The following SLC30A5 variants were observed in gnomAD, a reference collection of about 807,000 sequenced individuals.
SLC30A5 encodes the protein proton-coupled zinc antiporter SLC30A5.
In SLC30A5, 33 loss-of-function variants were observed where a neutral mutation model predicts 79.6. The observed-to-expected ratio is 0.41, with a 90% confidence interval of 0.31 to 0.55. The LOEUF is 0.55. SLC30A5 is among the 20% of genes least tolerant of loss of function. SLC30A5 has a pLI of 0.20. For synonymous variants in SLC30A5, 299 were observed against 319.7 expected, an observed-to-expected ratio of 0.94 and a Z score of 0.69; for missense variants, 788 against 928.1, an observed-to-expected ratio of 0.85 and a Z score of 1.96.
intron 3 of SLC30A5, chr5:69,103,812 T>A (rs1746001351): frequency 1.7e-6 from 1 of 595,144 alleles, no homozygotes; most frequent in African/African-American, 1.9e-5. Context: ...CCATAGTACA[T>A]GTTTGCTTTA....
chr5:69,098,880 A>C (rs1745824178), intron 1 of SLC30A5, among the ~76,000 whole-genome samples: 1 of 152,272 alleles, frequency 6.6e-6, no homozygotes, highest in Non-Finnish European at 1.5e-5. Context: ...GACTTAAACC[A>C]AAATAAACCT....
intron 1 of SLC30A5, among the ~76,000 whole-genome samples, chr5:69,099,768 C>A (rs1225661992): frequency 6.6e-6 from 1 of 152,202 alleles, no homozygotes; most frequent in Non-Finnish European, 1.5e-5. Flanking sequence ...CATTTCATAA[C>A]AGAATTTAGT....
intron 1 of SLC30A5, among the ~76,000 whole-genome samples, chr5:69,098,046 C>T (rs1745797081): frequency 6.6e-6 from 1 of 151,922 alleles, no homozygotes; most frequent in South Asian, 2.1e-4. Context: ...CGGGGTCTCG[C>T]TGTATTGCCC....
intron 14 of SLC30A5, 73 bp downstream of exon 14, chr5:69,123,498 C>G: frequency 8.8e-7 from 1 of 1,130,832 alleles, no homozygotes; most frequent in Non-Finnish European, 1.3e-6. Flanking sequence ...GGAAGTAAAA[C>G]AGACAACCAA....
intron 14 of SLC30A5, among the ~76,000 whole-genome samples, chr5:69,125,515 C>T (rs79928667): frequency 2.1e-5 from 3 of 145,496 alleles, no homozygotes; most frequent in East Asian, 4.2e-4. Flanking sequence ...GGCAACAGAG[C>T]GAGACTCTGT....
Position 69,117,407 on chromosome 5 carries a change from T to C in SLC30A5, c.1439+11T>C, listed in dbSNP as rs1746401226. 1 of 1,613,238 alleles carries C rather than the reference T, an allele frequency of 6.2e-7. No homozygotes were observed. The highest frequency in any genetic ancestry group is 8.5e-7 in the Non-Finnish European group (1 of 1,179,374). ...GATTTTCTCCTATGGGTAGGTACAT[T>C]GACTGTCGAGGTGGTATATCTTAAG... On this transcript the variant is annotated intron_variant, in intron 11 of 15. Transcript: ENST00000396591.
At chr5:69,118,424 T>G in intron 11 of SLC30A5, 75 bp from the exon 12 acceptor site, 1 of 1,316,120 alleles carries the variant, frequency 7.6e-7, no homozygotes, top group Non-Finnish European at 1.0e-6. Flanking sequence ...TTTGGACTTG[T>G]TTCCTCATTT....
At chr5:69,128,297 GC>G (rs1461243295) in intron 15 of SLC30A5, among the ~76,000 whole-genome samples, 165 bp downstream of exon 15, 1 of 141,374 alleles carries the variant, frequency 7.1e-6, no homozygotes, top group Non-Finnish European at 1.5e-5. Context: ...TGTTGCCCAG[GC>G]TGGAGTGCAG....
At chr5:69,128,225 A>C in intron 15 of SLC30A5, 93 bp downstream of exon 15, 2 of 723,424 alleles carry the variant, frequency 2.8e-6, no homozygotes, top group South Asian at 1.9e-5. Flanking sequence ...GTCATTTACT[A>C]TTCAGAAATA....
chr5:69,130,772 A>G lies in SLC30A5; in HGVS notation c.*1155A>G, dbSNP rs1283540691. 6.6e-6 allele frequency: 1 copy of G among 152,156 alleles called. No individual in the cohort carries two copies. Among genetic ancestry groups the G allele is most frequent in the East Asian group, 1.9e-4 (1 of 5,202 alleles). 9.4% of individuals were successfully genotyped at this position (152,156 alleles called of 1,614,324 possible). ...GACAATAACATGCAGTTTTATCAGC[A>G]CCAAAGAATGTTGTCCAAAAGAAAC... On this transcript the variant is annotated 3_prime_UTR_variant, in exon 16 of 16. Coordinates refer to ENST00000396591, the MANE Select transcript of SLC30A5 (RefSeq NM_022902.5).
intron 2 of SLC30A5, 110 bp downstream of exon 2, chr5:69,101,039 G>A (rs1416548476): frequency 9.2e-7 from 1 of 1,091,184 alleles, no homozygotes; most frequent in Non-Finnish European, 1.3e-6. Context: ...TGTTCCTCCT[G>A]ACAAGTATTT....
chr5:69,113,579 T>A (rs933527852), intron 6 of SLC30A5, among the ~76,000 whole-genome samples: 2 of 152,136 alleles, frequency 1.3e-5, no homozygotes, highest in African/African-American at 4.8e-5. Flanking sequence ...TGAAAAACCT[T>A]TAGTATCTTC....
At chr5:69,098,973 A>G (rs1745826773) in intron 1 of SLC30A5, among the ~76,000 whole-genome samples, 1 of 152,208 alleles carries the variant, frequency 6.6e-6, no homozygotes, top group African/African-American at 2.4e-5. Flanking sequence ...TTTGTTGCAG[A>G]TTATAACTAG....
chr5:69,121,889 A>C lies in SLC30A5; in HGVS notation c.1765A>C (p.Met589Leu), dbSNP rs751702558. 8 of 1,612,566 alleles carry C rather than the reference A, an allele frequency of 5.0e-6. No individual in the cohort carries two copies. In the African/African-American group the frequency reaches 1.1e-4, roughly 22 times the overall value. ...GSAGGGMNAN[M>L]RGVFLHVLAD... The stretch of plus-strand genomic sequence containing the variant: ...TGCGGGTGGAGGCATGAATGCTAAC[A>C]TGAGGGGTGAGTCCTTGCAAAATAT... The change falls in exon 13 of 16, where the codon ATG becomes CTG. Residue 589 changes from methionine (M) to leucine (L), a missense_variant. Physicochemically the swap from Met to Leu is conservative, Grantham distance 15. This residue lies in a region of SLC30A5 where 626 missense variants were observed against 755.5 expected (regional missense o/e 0.83). Coordinates refer to ENST00000396591, the MANE Select transcript of SLC30A5 (RefSeq NM_022902.5).
rs1414951004 is a variant in SLC30A5 at position 69,116,168 on chromosome 5, C to T, written c.1026C>T (p.His342=). 1.2e-6 allele frequency: 2 copies of T among 1,614,094 alleles called. No homozygotes were observed. Among genetic ancestry groups the T allele is most frequent in the Non-Finnish European group, 1.7e-6 (2 of 1,179,992 alleles). ...NKAAHQESTE[H]VLSGGVVVSA... Reference sequence around the variant, plus strand: ...CAGCACACCAGGAGAGCACTGAACACGTCCTGTCTGGAGGAGTGGTAGTGA... The same window carrying T: ...CAGCACACCAGGAGAGCACTGAACATGTCCTGTCTGGAGGAGTGGTAGTGA... The change falls in exon 9 of 16, where the codon CAC becomes CAT. Residue 342 remains histidine, a synonymous_variant. Transcript: ENST00000396591. This position sits in a 1 kb window ranked among gnomAD's most constrained non-coding sequence, Gnocchi z 4.0.
chr5:69,110,323 G>C (rs1419759792), intron 5 of SLC30A5, among the ~76,000 whole-genome samples: 1 of 152,124 alleles, frequency 6.6e-6, no homozygotes, highest in Non-Finnish European at 1.5e-5. Flanking sequence ...ATAAAGGAAA[G>C]GATAGATAAA....
intron 1 of SLC30A5, among the ~76,000 whole-genome samples, chr5:69,099,486 G>A (rs1745845993): frequency 6.6e-6 from 1 of 152,202 alleles, no homozygotes; most frequent in South Asian, 2.1e-4. Flanking sequence ...TAAGACTCGT[G>A]ACTCCTATAG....
chr5:69,110,349 A>G (rs1746199451), intron 5 of SLC30A5, among the ~76,000 whole-genome samples: 1 of 152,218 alleles, frequency 6.6e-6, no homozygotes, highest in South Asian at 2.1e-4. Flanking sequence ...ATAAGGTATA[A>G]TAGTCCCTAT....
At chr5:69,111,006 T>C (rs920899822) in intron 5 of SLC30A5, among the ~76,000 whole-genome samples, 3 of 151,868 alleles carry the variant, frequency 2.0e-5, no homozygotes, top group Non-Finnish European at 4.4e-5. Context: ...TCTTTTTTTT[T>C]TTTTTGAGAT....
Sources: allele counts gnomAD v4.1 joint callset (sites outside exome capture counted in the v4.1 genomes callset), GRCh38; gene constraint gnomAD v4.1.1; regional missense constraint gnomAD v4.1.1; non-coding constraint Gnocchi (gnomAD v3.1); transcripts MANE v1.5; gene names NCBI Gene and HGNC (gene_info 2026-07-23, HGNC 2026-07-21).